Variants in TTC39C observed in about 807,000 individuals in gnomAD.
TTC39C encodes tetratricopeptide repeat domain 39C.
Under a neutral mutation model 76.3 loss-of-function variants are expected in TTC39C, and 33 were observed. The observed-to-expected ratio is 0.43, with a 90% CI of 0.33 to 0.58. The LOEUF is 0.58. TTC39C is among the 20% of genes least tolerant of loss of function. TTC39C has a pLI of 0.04. For synonymous variants in TTC39C, 254 were observed against 260.6 expected (o/e 0.97, Z 0.24); for missense variants, 595 against 701.4 (o/e 0.85, Z 1.71).
chr18:24,059,043 T>C (rs982250131), intron 1 of TTC39C, among the ~76,000 whole-genome samples: 2 of 152,178 alleles, frequency 1.3e-5, no homozygotes, highest in African/African-American at 4.8e-5. Flanking sequence ...GTATTGCAAA[T>C]ATCTTCTCCC....
chr18:23,999,766 T>A (rs1299758753), intron 1 of TTC39C, among the ~76,000 whole-genome samples: 3 of 152,166 alleles, frequency 2.0e-5, no homozygotes, highest in Admixed American at 6.5e-5. Flanking sequence ...AGCTCCCCAC[T>A]GAGCAAGCAG....
At chr18:24,077,056 G>T (rs947049972) in intron 4 of TTC39C, 8 of 152,122 alleles carry the variant, frequency 5.3e-5, no homozygotes, top group Admixed American at 1.3e-4. Context: ...TCGACGTCAC[G>T]TTGAGAGATG....
intron 6 of TTC39C, among the ~76,000 whole-genome samples, chr18:24,090,797 CTTTTT>C (rs1218689781): frequency 1.8e-4 from 14 of 79,528 alleles, no homozygotes; most frequent in Non-Finnish European, 2.6e-4. Context: ...GATTAATTTA[CTTTTT>C]TTTTTTTTTT....
chr18:24,085,273 GGACATTTGTTA>G lies in TTC39C; in HGVS notation c.984+2195_984+2205del, dbSNP rs147143864. 4.5e-3 allele frequency among the ~76,000 whole-genome samples: 679 copies of G among 152,188 alleles called. 9 individuals carry two copies. In the East Asian group the frequency reaches 0.06, roughly 14 times the overall value. On this transcript the variant is annotated intron_variant, in intron 6 of 13. Coordinates refer to ENST00000317571, the MANE Select transcript of TTC39C (RefSeq NM_001135993.2). ...CAGGGCAGTGAGGCCCCTTAGCTTTGGACATTTGTTAGAATTCTCTCTCTTTATTCTGCTGA... is the reference window on the plus strand; with the variant it reads ...CAGGGCAGTGAGGCCCCTTAGCTTTGGAATTCTCTCTCTTTATTCTGCTGA...
At chr18:24,082,147 A>T (rs1438442074) in intron 5 of TTC39C, among the ~76,000 whole-genome samples, 1 of 151,640 alleles carries the variant, frequency 6.6e-6, no homozygotes, top group Non-Finnish European at 1.5e-5. Context: ...CAGTCTCCCA[A>T]GTAGCTAGGA....
At chr18:24,014,141 C>T (rs2083415528), upstream of TTC39C, among the ~76,000 whole-genome samples, 1 of 152,240 alleles carries the variant, frequency 6.6e-6, no homozygotes, top group African/African-American at 2.4e-5. Context: ...CCGCCGCCCA[C>T]CTCCTCGGGA....
At chr18:24,037,074 G>A (rs1389996723) in intron 1 of TTC39C, among the ~76,000 whole-genome samples, 3 of 152,162 alleles carry the variant, frequency 2.0e-5, no homozygotes, top group Non-Finnish European at 4.4e-5. Flanking sequence ...ATGGTGAATA[G>A]CAATGGCAAA....
intron 1 of TTC39C, among the ~76,000 whole-genome samples, chr18:24,041,383 G>A (rs1599263421): frequency 6.6e-6 from 1 of 152,302 alleles, no homozygotes; most frequent in East Asian, 1.9e-4. Context: ...GCAAGCTTGT[G>A]TCTGATGGAG....
chr18:24,115,830 G>A (rs1488534553), intron 7 of TTC39C, among the ~76,000 whole-genome samples: 1 of 152,260 alleles, frequency 6.6e-6, no homozygotes, highest in Non-Finnish European at 1.5e-5. Context: ...GTGTTTTTGT[G>A]TCTTCTACAC....
intron 6 of TTC39C, among the ~76,000 whole-genome samples, chr18:24,096,478 A>G (rs1200676190): frequency 1.3e-5 from 2 of 152,216 alleles, no homozygotes; most frequent in African/African-American, 4.8e-5. Flanking sequence ...AATGAAATTT[A>G]TCTTCCATCC....
At chr18:23,993,314 TA>T (rs2083234322) in intron 1 of TTC39C, among the ~76,000 whole-genome samples, 1 of 152,232 alleles carries the variant, frequency 6.6e-6, no homozygotes, top group African/African-American at 2.4e-5. Flanking sequence ...TGCCAGATGT[TA>T]AAGCATTTGC....
intron 7 of TTC39C, among the ~76,000 whole-genome samples, chr18:24,116,819 GTT>G (rs767138108): frequency 0.019 from 1,800 of 95,040 alleles, 45 homozygotes; most frequent in African/African-American, 0.068. Flanking sequence ...TGATACCTTA[GTT>G]TTTTTTTTTT....
At chr18:24,024,006 A>ATTT (rs1568409124) in intron 1 of TTC39C, among the ~76,000 whole-genome samples, 5 of 5,786 alleles carry the variant, frequency 8.6e-4, no homozygotes, top group Non-Finnish European at 1.3e-3. Flanking sequence ...ATATATATAT[A>ATTT]TATATATATA....
intron 1 of TTC39C, among the ~76,000 whole-genome samples, chr18:24,036,697 C>T (rs1479364528): frequency 2.6e-5 from 4 of 152,142 alleles, no homozygotes; most frequent in Non-Finnish European, 4.4e-5. Flanking sequence ...GTGGCATGAT[C>T]ACAGTCTACT....
intron 1 of TTC39C, among the ~76,000 whole-genome samples, chr18:23,997,063 C>T (rs1002910903): frequency 5.3e-5 from 8 of 151,712 alleles, no homozygotes; most frequent in African/African-American, 1.7e-4. Flanking sequence ...GAGCCGAGAT[C>T]GCACCACTGC....
intron 1 of TTC39C, among the ~76,000 whole-genome samples, chr18:24,006,989 C>T (rs1568401687): frequency 6.6e-6 from 1 of 152,188 alleles, no homozygotes; most frequent in Non-Finnish European, 1.5e-5. Flanking sequence ...ACCAGAGTAT[C>T]AGGCTCATGA....
intron 7 of TTC39C, among the ~76,000 whole-genome samples, chr18:24,116,625 T>A (rs2084894955): frequency 6.6e-6 from 1 of 152,106 alleles, no homozygotes; most frequent in African/African-American, 2.4e-5. Context: ...TTCTGAAGTG[T>A]ATATCTCACA....
chr18:24,096,627 G>A (rs1299128050), intron 6 of TTC39C, among the ~76,000 whole-genome samples: 2 of 152,156 alleles, frequency 1.3e-5, no homozygotes, highest in South Asian at 2.1e-4. Flanking sequence ...AATCAGGGAT[G>A]TGCGTTTGTT....
intron 1 of TTC39C, among the ~76,000 whole-genome samples, chr18:23,997,114 GA>G (rs200621426): frequency 6.6e-6 from 1 of 150,702 alleles, no homozygotes; most frequent in Non-Finnish European, 1.5e-5. Context: ...ATCTCAAAAA[GA>G]AAAAAAAGAA....
Sources: gnomAD v4.1 joint callset for allele counts (sites outside exome capture counted in the v4.1 genomes callset) on GRCh38, gnomAD v4.1.1 for gene constraint, MANE v1.5 for transcripts, NCBI Gene and HGNC (gene_info 2026-07-23, HGNC 2026-07-21) for gene names.